The following BCL11A variants were observed in gnomAD, a reference collection of about 807,000 sequenced individuals.
The protein encoded by BCL11A is BCL11 transcription factor A, also known as B cell CLL/lymphoma 11A.
A neutral mutation model predicts 55.9 loss-of-function variants in BCL11A; 2 were observed. That is an observed-to-expected ratio of 0.04 (90% confidence interval 0.01 to 0.11). The LOEUF is 0.11. Among genes scored for constraint, BCL11A ranks in the 10% least tolerant of loss-of-function variants. The pLI is 1.00. For synonymous variants in BCL11A, 465 were observed against 473.4 expected (o/e 0.98, Z 0.23); for missense variants, 817 against 1,137.1 (o/e 0.72, Z 4.05).
rs1285281704 is a variant in BCL11A at position 60,546,238 on chromosome 2, C to T, written c.118G>A (p.Glu40Lys). ...CAGGTGAGGAGGTCATGATCCCCTT[C>T]TGGAGCTCCCAACGGGCCGTGGTCT... The part of the protein sequence containing the change: ...EPDHGPLGAP[E>K]GDHDLLTCGQ... The change falls in exon 2 of 4, where the codon GAA becomes AAA. Residue 40 changes from glutamate to lysine, a missense_variant. Glu to Lys is a moderately conservative substitution (Grantham distance 56). Transcript: ENST00000642384. The surrounding 1 kb of genome is among the most constrained non-coding windows in gnomAD (Gnocchi z 4.1). The T allele has an allele frequency of 6.2e-7, 1 of 1,614,230 alleles. No homozygotes were observed.
At chr2:60,540,816 C>T (rs1669884932) in intron 2 of BCL11A, among the ~76,000 whole-genome samples, 1 of 152,172 alleles carries the variant, frequency 6.6e-6, no homozygotes. Context: ...AGCCCATGTG[C>T]AGCTCCACAA....
rs367998842 is a variant in BCL11A at position 60,553,540 on chromosome 2, GGAGAGAGAGA to G, written c.-280_-271del. 2.8e-6 allele frequency: 1 copy of G among 351,288 alleles called. No homozygotes were observed. Among genetic ancestry groups the G allele is most frequent in the South Asian group, 5.4e-5 (1 of 18,686 alleles). The allele number at this position is 351,288 out of a possible 1,614,324, so 21.8% of individuals were successfully genotyped here. A position where few individuals can be genotyped will look rare whatever the true frequency, so the allele number is the denominator to read the frequency against. ...GGAGAGAGAGAGAAGAGAGATAGAGGGAGAGAGAGAGAGAGAGATGAAAAAAATGGCAAAA... is the reference window on the plus strand; with the variant it reads ...GGAGAGAGAGAGAAGAGAGATAGAGGGAGAGAGATGAAAAAAATGGCAAAA... On this transcript the variant is annotated 5_prime_UTR_variant, in exon 1 of 4. Coordinates refer to ENST00000642384, the MANE Select transcript of BCL11A (RefSeq NM_022893.4).
At chr2:60,484,963 TAAAA>T in intron 2 of BCL11A, among the ~76,000 whole-genome samples, 1 of 110,044 alleles carries the variant, frequency 9.1e-6, no homozygotes, top group African/African-American at 3.2e-5. Context: ...GTTTAGGACT[TAAAA>T]AAAAAAAAAA....
chr2:60,534,619 C>T (rs993373818), intron 2 of BCL11A: 3 of 152,192 alleles, frequency 2.0e-5, no homozygotes, highest in Non-Finnish European at 2.9e-5. Context: ...CCAGCCAACA[C>T]GTTCACAAAC....
chr2:60,457,149 T>C, downstream of BCL11A: 1 of 720,010 alleles, frequency 1.4e-6, no homozygotes, highest in East Asian at 1.0e-4. Context: ...TTCTTGCAAG[T>C]AATTTACAGA....
At position 60,459,199 on chromosome 2, in the gene BCL11A, AAGGTCTTAAAG is replaced by A. The variant is rs778080111; in HGVS notation, c.*1194_*1204del. On this transcript the variant is annotated 3_prime_UTR_variant, in exon 4 of 4. Coordinates refer to ENST00000642384, the MANE Select transcript of BCL11A (RefSeq NM_022893.4). ...GCCTCTTCCTTTCAATATGGTATACAAGGTCTTAAAGTTTATCATTTGATTGTCCACTTGAC... is the reference window on the plus strand; with the variant it reads ...GCCTCTTCCTTTCAATATGGTATACATTTATCATTTGATTGTCCACTTGAC... The A allele has an allele frequency of 2.8e-5, 29 of 1,021,890 alleles. No homozygotes were observed. Among genetic ancestry groups the A allele is most frequent in the Non-Finnish European group, 3.3e-5 (28 of 851,294 alleles). 63.3% of individuals were successfully genotyped at this position (1,021,890 alleles called of 1,614,324 possible). A position where few individuals can be genotyped will look rare whatever the true frequency, so the allele number is the denominator to read the frequency against.
Position 60,462,378 on chromosome 2 carries a change from T to C in BCL11A, c.534A>G (p.Pro178=), listed in dbSNP as rs1277457318. The change falls in exon 4 of 4, where the codon CCA becomes CCG. Residue 178 remains proline (P), a synonymous_variant. Coordinates refer to ENST00000642384, the MANE Select transcript of BCL11A (RefSeq NM_022893.4). The part of the protein sequence containing the change: ...SSYTCTTCKQ[P]FTSAWFLLQH... ...GCAAGAGAAACCATGCACTGGTGAA[T>C]GGCTGTTTGCAAGTTGTACATGTGT... 3 of 1,613,006 alleles carry C rather than the reference T, an allele frequency of 1.9e-6. No homozygotes were observed. Among genetic ancestry groups the C allele is most frequent in the Admixed American group, 3.3e-5 (2 of 59,800 alleles).
chr2:60,506,456 G>A (rs1012606701), intron 2 of BCL11A, among the ~76,000 whole-genome samples: 1 of 152,224 alleles, frequency 6.6e-6, no homozygotes, highest in Non-Finnish European at 1.5e-5. Flanking sequence ...CAACCCGAGC[G>A]CACCAGTCCT....
At position 60,458,698 on chromosome 2, in the gene BCL11A, T is replaced by G; in HGVS notation, c.*1706A>C. ...AACTTTTCCCTTAAGTATAGACCTG[T>G]AAACTGGGAAAATTGTACAGTGCAC... On this transcript the variant is annotated 3_prime_UTR_variant, in exon 4 of 4. Transcript: ENST00000642384. The G allele has an allele frequency of 9.7e-7, 1 of 1,029,966 alleles. No homozygotes were observed. Among genetic ancestry groups the G allele is most frequent in the Non-Finnish European group, 1.2e-6 (1 of 856,480 alleles). 63.8% of individuals were successfully genotyped at this position (1,029,966 alleles called of 1,614,324 possible). A position where few individuals can be genotyped will look rare whatever the true frequency, so the allele number is the denominator to read the frequency against.
chr2:60,510,854 A>G (rs1446225450), intron 2 of BCL11A, among the ~76,000 whole-genome samples: 2 of 152,194 alleles, frequency 1.3e-5, no homozygotes, highest in African/African-American at 4.8e-5. Flanking sequence ...AGGCCCTGAG[A>G]CCCACAGGGA....
chr2:60,495,609 G>C (rs1678900743), intron 2 of BCL11A: 1 of 152,268 alleles, frequency 6.6e-6, no homozygotes, highest in African/African-American at 2.4e-5. Flanking sequence ...TTTCCAGGGT[G>C]GGGTGCAGAC....
chr2:60,553,146 G>T, intron 1 of BCL11A, 70 bp downstream of exon 1: 2 of 1,491,372 alleles, frequency 1.3e-6, no homozygotes, highest in Non-Finnish European at 1.8e-6. Flanking sequence ...TCTCCCCCTC[G>T]CTTTTGCTTC....
At chr2:60,452,304 C>T, downstream of BCL11A, 1 of 358,770 alleles carries the variant, frequency 2.8e-6, no homozygotes, top group Non-Finnish European at 5.1e-6. Flanking sequence ...CAGGGCATCA[C>T]TCATGACAGC....
chr2:60,490,333 CTG>C (rs1678554515), intron 2 of BCL11A, among the ~76,000 whole-genome samples: 1 of 152,204 alleles, frequency 6.6e-6, no homozygotes, highest in Non-Finnish European at 1.5e-5. Flanking sequence ...CAGCAGCCCT[CTG>C]TGATCTATAG....
chr2:60,468,245 G>C (rs1484792470), intron 3 of BCL11A, among the ~76,000 whole-genome samples: 1 of 152,096 alleles, frequency 6.6e-6, no homozygotes, highest in African/African-American at 2.4e-5. Context: ...GTGTGGGCAT[G>C]AATATACAAC....
Position 60,461,324 on chromosome 2 carries a change from G to T in BCL11A, c.1588C>A (p.Arg530=), listed in dbSNP as rs1676264940. The T allele has an allele frequency of 6.3e-7, 1 of 1,598,940 alleles. No homozygotes were observed. The highest frequency in any genetic ancestry group is 1.1e-5 in the South Asian group (1 of 90,134). ...TCGCCCACGCCCACGACCGCGCCCC[G>T]CGAGCTGTTCTCGTGGTGGCGCGCC... The part of the protein sequence containing the change: ...EAARHHENSS[R]GAVVGVGDES... Residue 530 remains arginine, a synonymous_variant, in exon 4 of 4, where the codon CGG becomes AGG. Transcript: ENST00000642384.
At position 60,462,427 on chromosome 2, in the gene BCL11A, G is replaced by A; in HGVS notation, c.488-3C>T. The stretch of plus-strand genomic sequence containing the variant: ...GTAGCTGCTGGGCTCATCTTTACCT[G>A]CAAAATAATACAACACCAACATCAA... On this transcript the variant is annotated splice_polypyrimidine_tract_variant and splice_region_variant and intron_variant, in intron 3 of 3. Coordinates refer to ENST00000642384, the MANE Select transcript of BCL11A (RefSeq NM_022893.4). 6.3e-7 allele frequency: 1 copy of A among 1,587,430 alleles called. No individual in the cohort carries two copies. The highest frequency in any genetic ancestry group is 8.6e-7 in the Non-Finnish European group (1 of 1,167,428).
At chr2:60,535,730 T>C (rs1464840715) in intron 2 of BCL11A, 1 of 152,260 alleles carries the variant, frequency 6.6e-6, no homozygotes, top group African/African-American at 2.4e-5. Flanking sequence ...GCAAATCCTG[T>C]TGCTTGAGAT....
Position 60,460,968 on chromosome 2 carries a change from C to T in BCL11A, c.1944G>A (p.Ala648=). Residue 648 remains alanine (A), a synonymous_variant, in exon 4 of 4, where the codon GCG becomes GCA. Coordinates refer to ENST00000642384, the MANE Select transcript of BCL11A (RefSeq NM_022893.4). ...LEKEFDLPPA[A]MPNTENVYSQ... is the part of the protein sequence containing the mutation. ...AGTACACGTTCTCCGTGTTGGGCAT[C>T]GCGGCCGGGGGCAGGTCGAACTCCT... 1.9e-6 allele frequency: 3 copies of T among 1,610,980 alleles called. No individual in the cohort carries two copies. Among genetic ancestry groups the T allele is most frequent in the South Asian group, 2.2e-5 (2 of 90,996 alleles).
Sources: allele counts gnomAD v4.1 joint callset (sites outside exome capture counted in the v4.1 genomes callset), GRCh38; gene constraint gnomAD v4.1.1; non-coding constraint Gnocchi (gnomAD v3.1); transcripts MANE v1.5; gene names NCBI Gene and HGNC (gene_info 2026-07-23, HGNC 2026-07-21).